KDM1B: variants seen among roughly 807,000 people sequenced by gnomAD.
KDM1B encodes lysine demethylase 1B, also known as lysine-specific histone demethylase 2.
KDM1B carries 63 observed loss-of-function variants against 107.4 expected under a neutral mutation model. That is an observed-to-expected ratio of 0.59 (90% CI 0.48 to 0.72). The LOEUF is 0.72. Among genes scored for constraint, KDM1B ranks in the 30% least tolerant of loss-of-function variants. The pLI is 0.00. For synonymous variants in KDM1B, 363 were observed against 363.9 expected (o/e 1.00, Z 0.03); for missense variants, 749 against 1,020.8 (o/e 0.73, Z 3.63).
intron 7 of KDM1B, among the ~76,000 whole-genome samples, chr6:18,178,753 A>G (rs976151819): frequency 3.3e-5 from 5 of 152,194 alleles, no homozygotes; most frequent in African/African-American, 9.6e-5. Context: ...TAGAAACACA[A>G]TTGACTTGTA....
intron 21 of KDM1B, among the ~76,000 whole-genome samples, chr6:18,218,152 G>A (rs891616441): frequency 5.9e-5 from 9 of 151,910 alleles, no homozygotes; most frequent in African/African-American, 1.9e-4. Context: ...ACAGGGTCTC[G>A]CTCTGTGGCT....
chr6:18,186,769 G>A lies in KDM1B; in HGVS notation c.573+959G>A, dbSNP rs1191840898. On this transcript the variant is annotated intron_variant, in intron 8 of 21. Coordinates refer to ENST00000650836, the MANE Select transcript of KDM1B (RefSeq NM_001364614.2). This position sits in a 1 kb window ranked among gnomAD's most constrained non-coding sequence, Gnocchi z 5.6. ...CTGGAAGGAGAAGTGTCAAGCAAAGGGGGAAAAGCCCCTTGTAAAACCATC... is the reference window on the plus strand; with the variant it reads ...CTGGAAGGAGAAGTGTCAAGCAAAGAGGGAAAAGCCCCTTGTAAAACCATC... 6.6e-6 allele frequency among the ~76,000 whole-genome samples: 1 copy of A among 152,030 alleles called. No individual in the cohort carries two copies. Among genetic ancestry groups the A allele is most frequent in the Non-Finnish European group, 1.5e-5 (1 of 68,016 alleles).
Position 18,172,006 on chromosome 6 carries a change from G to C in KDM1B, c.534+527G>C, listed in dbSNP as rs1043206330. Among the ~76,000 whole-genome samples the C allele has an allele frequency of 6.6e-6, 1 of 152,072 alleles. No homozygotes were observed. Among genetic ancestry groups the C allele is most frequent in the African/African-American group, 2.4e-5 (1 of 41,406 alleles). Reference sequence around the variant, plus strand: ...TTAATTTTTTTGCTAGTTTTGGTTTGTTTCGTTTTTATATAATGATGTTGA... The same window carrying C: ...TTAATTTTTTTGCTAGTTTTGGTTTCTTTCGTTTTTATATAATGATGTTGA... On this transcript the variant is annotated intron_variant, in intron 7 of 21. Coordinates refer to ENST00000650836, the MANE Select transcript of KDM1B (RefSeq NM_001364614.2). This position sits in a 1 kb window ranked among gnomAD's most constrained non-coding sequence, Gnocchi z 5.2.
chr6:18,200,675 T>C lies in KDM1B; in HGVS notation c.1359+99T>C. The C allele has an allele frequency of 3.7e-6, 4 of 1,073,464 alleles. No individual in the cohort carries two copies. Among genetic ancestry groups the C allele is most frequent in the Non-Finnish European group, 5.3e-6 (4 of 761,504 alleles). 66.5% of individuals were successfully genotyped at this position (1,073,464 alleles called of 1,614,324 possible). Reference sequence around the variant, plus strand: ...ATATGCTTCTAAAGTAAATTACATATAACAGCCCCCTCATCTCCTATGCAA... The same window carrying C: ...ATATGCTTCTAAAGTAAATTACATACAACAGCCCCCTCATCTCCTATGCAA... On this transcript the variant is annotated intron_variant, in intron 13 of 21. Coordinates refer to ENST00000650836, the MANE Select transcript of KDM1B (RefSeq NM_001364614.2). This position sits in a 1 kb window ranked among gnomAD's most constrained non-coding sequence, Gnocchi z 4.3.
intron 20 of KDM1B, 67 bp downstream of exon 20, chr6:18,215,196 C>A: frequency 6.6e-7 from 1 of 1,524,048 alleles, no homozygotes; most frequent in Non-Finnish European, 8.8e-7. Flanking sequence ...GGTGTGAAGC[C>A]CAAGCAGCCA....
chr6:18,182,677 G>C (rs10949486), intron 7 of KDM1B, among the ~76,000 whole-genome samples: 1 of 151,864 alleles, frequency 6.6e-6, no homozygotes, highest in East Asian at 1.9e-4. Flanking sequence ...CCACAGGCAC[G>C]CGACCATGCA....
Position 18,191,292 on chromosome 6 carries a change from C to G in KDM1B, c.880C>G (p.Leu294Val). Reference protein sequence around the residue: ...VRPDVMELDELYEFPEYSRDP... With the variant: ...VRPDVMELDEVYEFPEYSRDP... ...GCCGGATGTGATGGAACTGGATGAGCTCTATGAGTTTCCAGAGTATTCCCG... is the reference window on the plus strand; with the variant it reads ...GCCGGATGTGATGGAACTGGATGAGGTCTATGAGTTTCCAGAGTATTCCCG... The change falls in exon 10 of 22, where the codon CTC becomes GTC. Residue 294 changes from leucine to valine, a missense_variant. Leu to Val is a conservative substitution (Grantham distance 32). Coordinates refer to ENST00000650836, the MANE Select transcript of KDM1B (RefSeq NM_001364614.2). This position sits in a 1 kb window ranked among gnomAD's most constrained non-coding sequence, Gnocchi z 5.1. 1 of 1,550,880 alleles carries G rather than the reference C, an allele frequency of 6.4e-7. No homozygotes were observed. The highest frequency in any genetic ancestry group is 8.7e-7 in the Non-Finnish European group (1 of 1,147,058).
chr6:18,178,450 T>C (rs1030453456), intron 7 of KDM1B, among the ~76,000 whole-genome samples: 3 of 151,970 alleles, frequency 2.0e-5, no homozygotes, highest in East Asian at 1.9e-4. Flanking sequence ...TGAAGTGCAA[T>C]GGCACGATCT....
intron 20 of KDM1B, among the ~76,000 whole-genome samples, chr6:18,215,362 A>C (rs1789140556): frequency 6.6e-6 from 1 of 152,162 alleles, no homozygotes; most frequent in South Asian, 2.1e-4. Context: ...TATTCCTCAC[A>C]GTTCTGGAGG....
chr6:18,176,288 C>G (rs1786001921), intron 7 of KDM1B, among the ~76,000 whole-genome samples: 2 of 152,096 alleles, frequency 1.3e-5, no homozygotes, highest in Admixed American at 1.3e-4. Flanking sequence ...AGCTACTGAT[C>G]TGTGTACATT....
chr6:18,201,690 C>G lies in KDM1B; in HGVS notation c.1531+33C>G, dbSNP rs1723806367. On this transcript the variant is annotated intron_variant, in intron 14 of 21. Coordinates refer to ENST00000650836, the MANE Select transcript of KDM1B (RefSeq NM_001364614.2). This position sits in a 1 kb window ranked among gnomAD's most constrained non-coding sequence, Gnocchi z 4.3. Reference sequence around the variant, plus strand: ...GAGAACGGTGTTCTGATTGTTCCATCTCAGTTTCGTTGTTACCTAAGCTTC... The same window carrying G: ...GAGAACGGTGTTCTGATTGTTCCATGTCAGTTTCGTTGTTACCTAAGCTTC... The G allele has an allele frequency of 6.6e-7, 1 of 1,506,940 alleles. No individual in the cohort carries two copies. Among genetic ancestry groups the G allele is most frequent in the Non-Finnish European group, 8.9e-7 (1 of 1,124,648 alleles). The allele number at this position is 1,506,940 out of a possible 1,614,324, so 93.3% of individuals were successfully genotyped here.
chr6:18,179,411 C>T (rs958343883), intron 7 of KDM1B, among the ~76,000 whole-genome samples: 16 of 152,142 alleles, frequency 1.1e-4, no homozygotes, highest in South Asian at 6.2e-4. Context: ...CTCTGTGAAA[C>T]GAGCAGTATA....
chr6:18,196,937 C>A, intron 10 of KDM1B, 120 bp from the exon 11 acceptor site: 2 of 952,750 alleles, frequency 2.1e-6, no homozygotes, highest in Non-Finnish European at 3.2e-6. Flanking sequence ...TGAGCATCTG[C>A]CTTTGAGAAA....
rs1400057192 is a variant in KDM1B, at chr6:18,205,706, G to T, written c.1659+42G>T. ...TGAAAGGTGTGCTTTGAAAATACTTGGTTTAGGCCGGGCGCAGTGGCTCAC... is the reference window on the plus strand; with the variant it reads ...TGAAAGGTGTGCTTTGAAAATACTTTGTTTAGGCCGGGCGCAGTGGCTCAC... On this transcript the variant is annotated intron_variant, in intron 15 of 21. Transcript: ENST00000650836. This position sits in a 1 kb window ranked among gnomAD's most constrained non-coding sequence, Gnocchi z 5.7. 9.6e-6 allele frequency: 14 copies of T among 1,454,114 alleles called. No individual in the cohort carries two copies. The highest frequency in any genetic ancestry group is 1.5e-5 in the African/African-American group (1 of 68,258). The allele number at this position is 1,454,114 out of a possible 1,614,324, so 90.1% of individuals were successfully genotyped here. A position where few individuals can be genotyped will look rare whatever the true frequency, so the allele number is the denominator to read the frequency against.
chr6:18,172,021 AATG>A lies in KDM1B; in HGVS notation c.534+546_534+548del, dbSNP rs1348922071. Reference sequence around the variant, plus strand: ...GTTTTGGTTTGTTTCGTTTTTATATAATGATGTTGACACCATAAATGCAGCTTC... The same window carrying A: ...GTTTTGGTTTGTTTCGTTTTTATATAATGTTGACACCATAAATGCAGCTTC... On this transcript the variant is annotated intron_variant, in intron 7 of 21. Coordinates refer to ENST00000650836, the MANE Select transcript of KDM1B (RefSeq NM_001364614.2). This position sits in a 1 kb window ranked among gnomAD's most constrained non-coding sequence, Gnocchi z 5.2. 1.9e-4 allele frequency among the ~76,000 whole-genome samples: 29 copies of A among 152,298 alleles called. No individual in the cohort carries two copies. Among genetic ancestry groups the A allele is most frequent in the African/African-American group, 7.0e-4 (29 of 41,552 alleles).
At chr6:18,163,459 C>T (rs1353156834) in intron 5 of KDM1B, among the ~76,000 whole-genome samples, 1 of 151,984 alleles carries the variant, frequency 6.6e-6, no homozygotes, top group Non-Finnish European at 1.5e-5. Context: ...TTATTTTTTA[C>T]TTGTGTTTGC....
At chr6:18,218,523 C>G (rs986374931) in intron 21 of KDM1B, among the ~76,000 whole-genome samples, 1 of 152,196 alleles carries the variant, frequency 6.6e-6, no homozygotes, top group African/African-American at 2.4e-5. Context: ...ATTTGCTCAA[C>G]ATGGTTATTT....
chr6:18,189,335 G>GC (rs1306512681), intron 9 of KDM1B, among the ~76,000 whole-genome samples: 3 of 152,176 alleles, frequency 2.0e-5, no homozygotes, highest in Non-Finnish European at 4.4e-5. Context: ...CGATGAAGAG[G>GC]CATTTGACTG....
rs1339592060 is a variant in KDM1B, at chr6:18,222,249, G to T, written c.*257G>T. The T allele has an allele frequency of 4.5e-5, 26 of 583,468 alleles. No homozygotes were observed. The East Asian group carries it at 9.5e-4, about 21-fold the overall frequency. The allele number at this position is 583,468 out of a possible 1,614,324, so 36.1% of individuals were successfully genotyped here. On this transcript the variant is annotated 3_prime_UTR_variant, in exon 22 of 22. Coordinates refer to ENST00000650836, the MANE Select transcript of KDM1B (RefSeq NM_001364614.2). ...AAAGTCTGGATTTCAGAATAAAGCAGAATGTAAGTTTCAGTTGAGGCCATG... is the reference window on the plus strand; with the variant it reads ...AAAGTCTGGATTTCAGAATAAAGCATAATGTAAGTTTCAGTTGAGGCCATG...
Sources: gnomAD v4.1 joint callset for allele counts (sites outside exome capture counted in the v4.1 genomes callset) on GRCh38, gnomAD v4.1.1 for gene constraint, Gnocchi (gnomAD v3.1) non-coding constraint, MANE v1.5 for transcripts, NCBI Gene and HGNC (gene_info 2026-07-23, HGNC 2026-07-21) for gene names.